PCDHA8: variants seen among roughly 807,000 people sequenced by gnomAD.
The protein encoded by PCDHA8 is protocadherin alpha 8.
Under a neutral mutation model 61.8 loss-of-function variants are expected in PCDHA8, and 53 were observed. The ratio of observed to expected loss-of-function variants is 0.86; its 90% CI spans 0.69 to 1.08. The LOEUF (loss-of-function observed/expected upper bound fraction) is 1.08, where lower values mean the gene tolerates loss of function less well. Ranked by LOEUF, PCDHA8 falls within the 50% of genes least tolerant of loss-of-function variation. The pLI is 0.00. For synonymous variants in PCDHA8, 618 were observed against 556.6 expected (o/e 1.11, Z -1.55); for missense variants, 1,293 against 1,245.0 (o/e 1.04, Z -0.58).
intron 1 of PCDHA8, among the ~76,000 whole-genome samples, chr5:140,908,488 A>G (rs2073999089): frequency 6.6e-6 from 1 of 152,206 alleles, no homozygotes; most frequent in Non-Finnish European, 1.5e-5. Flanking sequence ...TAGGCAGTTC[A>G]GGTTGCTTGG....
intron 1 of PCDHA8, among the ~76,000 whole-genome samples, chr5:140,890,446 T>A (rs1554184296): frequency 6.6e-6 from 1 of 152,228 alleles, no homozygotes; most frequent in Non-Finnish European, 1.5e-5. Context: ...CCTAGTGATA[T>A]CTTTAGGCAC....
At position 141,011,088 on chromosome 5, in the gene PCDHA8, TTCTC is replaced by T. The variant is rs375099849; in HGVS notation, c.*1165_*1168del. Reference sequence around the variant, plus strand: ...TATTACTAAATAAAATGATCTCTCTTTCTCTCTCTCTCTCTCTTTTCTAAGAAAC... The same window carrying T: ...TATTACTAAATAAAATGATCTCTCTTTCTCTCTCTCTCTTTTCTAAGAAAC... On this transcript the variant is annotated 3_prime_UTR_variant, in exon 4 of 4. Coordinates refer to ENST00000531613, the MANE Select transcript of PCDHA8 (RefSeq NM_018911.3). 16 of 152,024 alleles carry T rather than the reference TTCTC, an allele frequency of 1.1e-4. No individual in the cohort carries two copies. Among genetic ancestry groups the T allele is most frequent in the African/African-American group, 2.2e-4 (9 of 41,160 alleles). 9.4% of individuals were successfully genotyped at this position (152,024 alleles called of 1,614,324 possible).
intron 3 of PCDHA8, among the ~76,000 whole-genome samples, chr5:141,005,572 C>T (rs548748234): frequency 4.6e-5 from 7 of 151,094 alleles, no homozygotes; most frequent in East Asian, 1.9e-4. Context: ...CATGGTGGCG[C>T]GTGCCTGTAG....
chr5:140,915,204 C>A (rs2077022161), intron 1 of PCDHA8, among the ~76,000 whole-genome samples: 1 of 152,120 alleles, frequency 6.6e-6, no homozygotes, highest in African/African-American at 2.4e-5. Flanking sequence ...ATCTTGGCCT[C>A]CCAAAGTGCT....
intron 1 of PCDHA8, among the ~76,000 whole-genome samples, chr5:140,911,275 G>C (rs1048648150): frequency 2.0e-5 from 3 of 152,164 alleles, no homozygotes; most frequent in African/African-American, 7.2e-5. Context: ...AGTGTCCCCA[G>C]CTTCATCAGG....
At chr5:141,009,450 A>G (rs1272306412) in intron 3 of PCDHA8, among the ~76,000 whole-genome samples, 177 bp from the exon 4 acceptor site, 1 of 152,250 alleles carries the variant, frequency 6.6e-6, no homozygotes, top group Non-Finnish European at 1.5e-5. Context: ...TCTCAAAAAA[A>G]TTAAACAAAT....
chr5:140,960,892 G>A (rs1401042931), intron 1 of PCDHA8, among the ~76,000 whole-genome samples: 1 of 152,126 alleles, frequency 6.6e-6, no homozygotes, highest in East Asian at 1.9e-4. Flanking sequence ...AATGAATTTG[G>A]GGCATATCTT....
chr5:140,998,569 GTT>G (rs71574497), intron 3 of PCDHA8, among the ~76,000 whole-genome samples: 14 of 149,410 alleles, frequency 9.4e-5, no homozygotes, highest in Admixed American at 6.7e-4. Flanking sequence ...TTGTAAATAA[GTT>G]TTTTTTTTTT....
intron 1 of PCDHA8, among the ~76,000 whole-genome samples, chr5:140,976,407 C>T (rs781867787): frequency 1.1e-4 from 17 of 151,868 alleles, no homozygotes; most frequent in Non-Finnish European, 2.1e-4. Flanking sequence ...AAAAATTAGC[C>T]AGGTACGGTG....
In PCDHA8 at chr5:140,870,004, G is replaced by T. The variant is rs374513388; in HGVS notation, c.2394+26289G>T. 129 of 1,613,494 alleles carry T rather than the reference G, an allele frequency of 8.0e-5. No homozygotes were observed. Among genetic ancestry groups the T allele is most frequent in the Non-Finnish European group, 1.1e-4 (126 of 1,179,842 alleles). The stretch of plus-strand genomic sequence containing the variant: ...TACACTAGATCAAAATAATGGAGAA[G>T]TGAGGGTCAATGGAACTTTAGATTA... On this transcript the variant is annotated intron_variant, in intron 1 of 3. Coordinates refer to ENST00000531613, the MANE Select transcript of PCDHA8 (RefSeq NM_018911.3).
Position 140,842,831 on chromosome 5 carries a change from C to T in PCDHA8, c.1510C>T (p.Leu504=), listed in dbSNP as rs2150345753. Residue 504 remains leucine (L), a synonymous_variant, in exon 1 of 4, where the codon CTG becomes TTG. Transcript: ENST00000531613. ...GGAGCGGCGGGTGGGCGAGCGCTCG[C>T]TGTCGAGCTACATTTCGGTGCACAC... ...LVERRVGERS[L]SSYISVHTES... The T allele has an allele frequency of 5.5e-5, 88 of 1,593,856 alleles. 9 individuals are homozygous for T. The highest frequency in any genetic ancestry group is 1.7e-4 in the Admixed American group (10 of 59,288).
At chr5:140,870,052 A>G (rs782520778) in intron 1 of PCDHA8, 7 of 1,613,830 alleles carry the variant, frequency 4.3e-6, no homozygotes, top group Non-Finnish European at 5.1e-6. Flanking sequence ...GTTTTATAAA[A>G]TTGAAGTACA....
At chr5:140,862,241 T>C (rs1554155946) in intron 1 of PCDHA8, 3 of 213,712 alleles carry the variant, frequency 1.4e-5, no homozygotes, top group Non-Finnish European at 2.8e-5. Flanking sequence ...ACATCAATGA[T>C]AGTGTTCCAG....
At chr5:140,872,472 A>T (rs1251918712) in intron 1 of PCDHA8, among the ~76,000 whole-genome samples, 1 of 152,106 alleles carries the variant, frequency 6.6e-6, no homozygotes, top group South Asian at 2.1e-4. Context: ...ATAAAAAATT[A>T]AAAAATTAGC....
chr5:140,929,613 C>A, intron 1 of PCDHA8: 6 of 406,162 alleles, frequency 1.5e-5, no homozygotes, highest in Non-Finnish European at 2.7e-5. Flanking sequence ...AATAAAATAC[C>A]AAAATATTTT....
chr5:140,961,504 G>T (rs2095618659), intron 1 of PCDHA8, among the ~76,000 whole-genome samples: 1 of 152,112 alleles, frequency 6.6e-6, no homozygotes, highest in African/African-American at 2.4e-5. Flanking sequence ...GGGAGACTTT[G>T]TTTAATGTCT....
At chr5:141,000,558 G>A (rs1462892656) in intron 3 of PCDHA8, among the ~76,000 whole-genome samples, 1 of 149,136 alleles carries the variant, frequency 6.7e-6, no homozygotes, top group Admixed American at 6.8e-5. Flanking sequence ...CTCCCGAGTA[G>A]CTGGGATTAC....
At chr5:140,914,426 A>T (rs1554196349) in intron 1 of PCDHA8, among the ~76,000 whole-genome samples, 1 of 152,140 alleles carries the variant, frequency 6.6e-6, no homozygotes. Context: ...TTAGCAAGGA[A>T]TATCTTTTCC....
At chr5:140,862,588 G>A in intron 1 of PCDHA8, 1 of 501,458 alleles carries the variant, frequency 2.0e-6, no homozygotes, top group Non-Finnish European at 4.1e-6. Context: ...CCAGCAGCCC[G>A]AGTACATGGT....
Sources: allele counts gnomAD v4.1 joint callset (sites outside exome capture counted in the v4.1 genomes callset), GRCh38; gene constraint gnomAD v4.1.1; transcripts MANE v1.5; gene names NCBI Gene and HGNC (gene_info 2026-07-23, HGNC 2026-07-21).